The following RAB33B variants were observed in gnomAD, a reference collection of about 807,000 sequenced individuals.
The protein encoded by RAB33B is RAB33B, member RAS oncogene family, also known as ras-related protein Rab-33B.
RAB33B carries 6 observed loss-of-function variants against 15.0 expected under a neutral mutation model. That is an observed-to-expected ratio of 0.40 (90% CI 0.22 to 0.79). RAB33B has a LOEUF of 0.79. RAB33B is among the 30% of genes least tolerant of loss of function. The probability of loss-of-function intolerance (pLI) is 0.37; values close to 1 mark genes in which losing one functional copy is unlikely to be tolerated. For missense variants in RAB33B, 257 were observed against 296.4 expected (o/e 0.87, Z 0.98); for synonymous variants, 117 against 108.3 (o/e 1.08, Z -0.50).
At position 139,473,212 on chromosome 4, in the gene RAB33B, A is replaced by G. The variant is rs1486553729; in HGVS notation, c.*86A>G. 1.7e-6 allele frequency: 2 copies of G among 1,159,280 alleles called. No homozygotes were observed. The highest frequency in any genetic ancestry group is 2.7e-5 in the Admixed American group (1 of 36,600). The allele number at this position is 1,159,280 out of a possible 1,614,324, so 71.8% of individuals were successfully genotyped here. On this transcript the variant is annotated 3_prime_UTR_variant, in exon 2 of 2. Transcript: ENST00000305626. Reference sequence around the variant, plus strand: ...TATTAAGTCATAAGATTTAATCTCAACTATAATGGGTCATCTTGACACTTT... The same window carrying G: ...TATTAAGTCATAAGATTTAATCTCAGCTATAATGGGTCATCTTGACACTTT...
chr4:139,454,503 G>T, intron 1 of RAB33B, 59 bp downstream of exon 1: 1 of 1,566,322 alleles, frequency 6.4e-7, no homozygotes, highest in East Asian at 2.3e-5. Context: ...ACCCCACCGT[G>T]GGCTGGTCGC....
chr4:139,446,509 G>A, the RAB33B span, among the ~76,000 whole-genome samples: 12 of 152,190 alleles, frequency 7.9e-5, no homozygotes, highest in Non-Finnish European at 1.5e-4. Context: ...TCAGGGACAT[G>A]GAAGAAGCAT....
chr4:139,446,283 TC>T, the RAB33B span, among the ~76,000 whole-genome samples: 1 of 152,192 alleles, frequency 6.6e-6, no homozygotes, highest in East Asian at 1.9e-4. Flanking sequence ...CACGGATGAT[TC>T]TGCACGATAT....
At chr4:139,465,024 A>G (rs1225159797) in intron 1 of RAB33B, among the ~76,000 whole-genome samples, 3 of 152,234 alleles carry the variant, frequency 2.0e-5, no homozygotes, top group Admixed American at 6.5e-5. Context: ...AAGTGTTCCT[A>G]TTTCTCCACA....
Position 139,476,296 on chromosome 4 carries a change from G to A in RAB33B, c.*3170G>A, listed in dbSNP as rs1750500955. 6.6e-6 allele frequency: 1 copy of A among 152,196 alleles called. No homozygotes were observed. The allele number at this position is 152,196 out of a possible 1,614,324, so 9.4% of individuals were successfully genotyped here. On this transcript the variant is annotated 3_prime_UTR_variant, in exon 2 of 2. Coordinates refer to ENST00000305626, the MANE Select transcript of RAB33B (RefSeq NM_031296.3). ...GAAAAGAGAACGAACTACGTCTCAG[G>A]TATAAGATTGCAGTTACTGATTTAG...
intron 1 of RAB33B, among the ~76,000 whole-genome samples, chr4:139,462,357 C>A (rs1174958820): frequency 6.6e-6 from 1 of 152,168 alleles, no homozygotes. Context: ...CCGGCCATGA[C>A]AGCTCTTTTG....
the RAB33B span, among the ~76,000 whole-genome samples, chr4:139,442,049 G>T: frequency 6.6e-6 from 1 of 151,970 alleles, no homozygotes; most frequent in Non-Finnish European, 1.5e-5. Flanking sequence ...TCACGGTTGC[G>T]ATTTTCTCCT....
the RAB33B span, among the ~76,000 whole-genome samples, chr4:139,440,613 C>T: frequency 2.1e-5 from 3 of 143,742 alleles, no homozygotes; most frequent in Non-Finnish European, 4.7e-5. Flanking sequence ...GGAAATTGAC[C>T]AATTTTTTTT....
chr4:139,470,258 A>G (rs910181801), intron 1 of RAB33B, among the ~76,000 whole-genome samples: 1 of 152,048 alleles, frequency 6.6e-6, no homozygotes, highest in Non-Finnish European at 1.5e-5. Context: ...TGGCACTCAA[A>G]CTGCATGACA....
chr4:139,467,681 A>G (rs955846611), intron 1 of RAB33B, among the ~76,000 whole-genome samples: 11 of 151,636 alleles, frequency 7.3e-5, no homozygotes, highest in African/African-American at 2.7e-4. Context: ...ACATGGTGAC[A>G]ACCCATCTCT....
intron 1 of RAB33B, among the ~76,000 whole-genome samples, chr4:139,456,110 G>A (rs1750063735): frequency 6.6e-6 from 1 of 152,182 alleles, no homozygotes; most frequent in Non-Finnish European, 1.5e-5. Flanking sequence ...GGACATATAT[G>A]AAGCACCTGG....
intron 1 of RAB33B, among the ~76,000 whole-genome samples, chr4:139,459,194 C>G (rs960281878): frequency 9.9e-5 from 15 of 151,252 alleles, no homozygotes; most frequent in Admixed American, 8.5e-4. Context: ...GTAATCCCGG[C>G]ACTTTGGGAG....
At chr4:139,465,890 C>T (rs2111080472) in intron 1 of RAB33B, among the ~76,000 whole-genome samples, 1 of 151,646 alleles carries the variant, frequency 6.6e-6, no homozygotes, top group South Asian at 2.1e-4. Flanking sequence ...CCACCACTCC[C>T]AGCTCACTTT....
chr4:139,460,631 C>A (rs796137581), intron 1 of RAB33B, among the ~76,000 whole-genome samples: 4 of 152,004 alleles, frequency 2.6e-5, no homozygotes, highest in Admixed American at 1.3e-4. Context: ...GGAGAGATAC[C>A]AAACTGGTTC....
Position 139,475,323 on chromosome 4 carries a change from T to C in RAB33B, c.*2197T>C. 6.6e-6 allele frequency: 1 copy of C among 152,040 alleles called. No individual in the cohort carries two copies. Among genetic ancestry groups the C allele is most frequent in the East Asian group, 1.9e-4 (1 of 5,204 alleles). The allele number at this position is 152,040 out of a possible 1,614,324, so 9.4% of individuals were successfully genotyped here. The stretch of plus-strand genomic sequence containing the variant: ...GACTTTCCAAGCACATTTATGGTTT[T>C]TTATTACTATTATTATGGTTTTAAA... On this transcript the variant is annotated 3_prime_UTR_variant, in exon 2 of 2. Transcript: ENST00000305626.
chr4:139,461,360 AC>A (rs1750167822), intron 1 of RAB33B, among the ~76,000 whole-genome samples: 1 of 152,232 alleles, frequency 6.6e-6, no homozygotes, highest in African/African-American at 2.4e-5. Context: ...TGCATTCTCT[AC>A]AGAATCAGGT....
chr4:139,464,657 T>TG (rs1750245352), intron 1 of RAB33B, among the ~76,000 whole-genome samples: 2 of 152,164 alleles, frequency 1.3e-5, no homozygotes, highest in Non-Finnish European at 2.9e-5. Flanking sequence ...TCTGTCCTTG[T>TG]GATAGTTTGC....
chr4:139,473,779 TG>T lies in RAB33B; in HGVS notation c.*655del, dbSNP rs1404814473. 1 of 152,322 alleles carries T rather than the reference TG, an allele frequency of 6.6e-6. No homozygotes were observed. Among genetic ancestry groups the T allele is most frequent in the Non-Finnish European group, 1.5e-5 (1 of 68,040 alleles). 9.4% of individuals were successfully genotyped at this position (152,322 alleles called of 1,614,324 possible). On this transcript the variant is annotated 3_prime_UTR_variant, in exon 2 of 2. Coordinates refer to ENST00000305626, the MANE Select transcript of RAB33B (RefSeq NM_031296.3). Reference sequence around the variant, plus strand: ...GGATAAGAAGGCATAGAATGTTTTCTGGTTCCCAGTCCATAAAGAATGACTT... The same window carrying T: ...GGATAAGAAGGCATAGAATGTTTTCTGTTCCCAGTCCATAAAGAATGACTT...
At chr4:139,446,888 C>A in the RAB33B span, among the ~76,000 whole-genome samples, 2 of 152,204 alleles carry the variant, frequency 1.3e-5, no homozygotes, top group African/African-American at 4.8e-5. Context: ...GAAATGGCAC[C>A]ATTCCTTGGG....
Sources: gnomAD v4.1 joint callset for allele counts (sites outside exome capture counted in the v4.1 genomes callset) on GRCh38, gnomAD v4.1.1 for gene constraint, MANE v1.5 for transcripts, NCBI Gene and HGNC (gene_info 2026-07-23, HGNC 2026-07-21) for gene names.